The following ITSN2 variants were observed in gnomAD, a reference collection of about 807,000 sequenced individuals.
ITSN2 encodes the protein intersectin-2.
In ITSN2, 156 loss-of-function variants were observed where a neutral mutation model predicts 243.7. That is an observed-to-expected ratio of 0.64 (90% CI 0.56 to 0.73). The LOEUF is 0.73. ITSN2 is among the 30% of genes least tolerant of loss of function. ITSN2 has a pLI of 0.00. For missense variants in ITSN2, 1,801 were observed against 1,996.1 expected (o/e 0.90, Z 1.86); for synonymous variants, 703 against 699.9 (o/e 1.00, Z -0.07).
intron 1 of ITSN2, among the ~76,000 whole-genome samples, chr2:24,359,741 A>G (rs1287996868): frequency 6.6e-6 from 1 of 152,114 alleles, no homozygotes; most frequent in Non-Finnish European, 1.5e-5. Flanking sequence ...TAAATTTAAC[A>G]TTTCCAACTC....
intron 15 of ITSN2, among the ~76,000 whole-genome samples, chr2:24,290,642 G>A (rs1437847209): frequency 6.6e-6 from 1 of 151,842 alleles, no homozygotes. Context: ...ATTTATTTCT[G>A]TACATAGAGA....
At chr2:24,329,052 T>C (rs1398926333) in intron 1 of ITSN2, among the ~76,000 whole-genome samples, 1 of 152,218 alleles carries the variant, frequency 6.6e-6, no homozygotes, top group Non-Finnish European at 1.5e-5. Context: ...TACTCATCTA[T>C]AAAAAATACT....
intron 2 of ITSN2, among the ~76,000 whole-genome samples, 180 bp from the exon 3 acceptor site, chr2:24,315,404 G>T (rs1377156074): frequency 1.3e-5 from 2 of 152,178 alleles, no homozygotes; most frequent in Non-Finnish European, 2.9e-5. Context: ...TCACTCATTG[G>T]CTCAATTAAC....
At position 24,254,392 on chromosome 2, in the gene ITSN2, G is replaced by A; in HGVS notation, c.2928C>T (p.Thr976=). The part of the protein sequence containing the change: ...ALYAAVNKKP[T]SAAYSVGEEY... The stretch of plus-strand genomic sequence containing the variant: ...CTTCTCCAACTGAATAGGCTGCCGA[G>A]GTAGGTTTCTTATTTACAGCTGCAT... The change falls in exon 24 of 40, where the codon ACC becomes ACT. Residue 976 remains threonine, a synonymous_variant. Transcript: ENST00000355123. 1 of 1,612,410 alleles carries A rather than the reference G, an allele frequency of 6.2e-7. No individual in the cohort carries two copies. Among genetic ancestry groups the A allele is most frequent in the Non-Finnish European group, 8.5e-7 (1 of 1,178,808 alleles).
intron 24 of ITSN2, among the ~76,000 whole-genome samples, chr2:24,253,621 A>G (rs1276941228): frequency 1.3e-5 from 2 of 152,262 alleles, no homozygotes; most frequent in East Asian, 3.8e-4. Context: ...CGCTCATTAA[A>G]GAATTTATCA....
intron 17 of ITSN2, among the ~76,000 whole-genome samples, chr2:24,281,239 AGGCT>A (rs1678736227): frequency 6.6e-6 from 1 of 152,220 alleles, no homozygotes; most frequent in African/African-American, 2.4e-5. Context: ...CATGTTGGCC[AGGCT>A]GGTCTCAAAC....
In ITSN2 at chr2:24,310,551, G is replaced by T; in HGVS notation, c.494C>A (p.Ser165Ter). 1 of 1,614,128 alleles carries T rather than the reference G, an allele frequency of 6.2e-7. No homozygotes were observed. Among genetic ancestry groups the T allele is most frequent in the African/African-American group, 1.3e-5 (1 of 75,034 alleles). ...PTPLVPSVST[S>*]SLPNGTASLI... ...ACTGGCGGTTCCATTTGGTAATGAT[G>T]ATGTGCTAACAGAAGGCACTAGGGG... The change falls in exon 6 of 40, where the codon TCA (serine) becomes TAA (stop). Residue 165 changes from serine (S) to a stop codon, truncating the protein, a stop_gained. Coordinates refer to ENST00000355123, the MANE Select transcript of ITSN2 (RefSeq NM_006277.3). LOFTEE classifies it high-confidence loss of function.
chr2:24,294,074 C>A (rs1005369889), intron 14 of ITSN2, among the ~76,000 whole-genome samples: 1 of 152,102 alleles, frequency 6.6e-6, no homozygotes, highest in Non-Finnish European at 1.5e-5. Context: ...AGCAGACCTG[C>A]GCTAGATGGT....
intron 4 of ITSN2, among the ~76,000 whole-genome samples, chr2:24,313,169 G>T (rs866436272): frequency 3.4e-5 from 5 of 147,008 alleles, no homozygotes; most frequent in African/African-American, 1.3e-4. Context: ...CTGCAGCACT[G>T]AATTCCTGGG....
At chr2:24,227,331 C>A (rs1671142850) in intron 29 of ITSN2, among the ~76,000 whole-genome samples, 1 of 148,622 alleles carries the variant, frequency 6.7e-6, no homozygotes, top group African/African-American at 2.5e-5. Flanking sequence ...GAAAAATCCA[C>A]CATAAATTGA....
At chr2:24,333,971 C>A (rs548005729) in intron 1 of ITSN2, among the ~76,000 whole-genome samples, 1 of 152,148 alleles carries the variant, frequency 6.6e-6, no homozygotes, top group African/African-American at 2.4e-5. Flanking sequence ...CTCACTGCAA[C>A]CTCCACTTCC....
chr2:24,334,525 C>T, intron 1 of ITSN2: 1 of 807,122 alleles, frequency 1.2e-6, no homozygotes, highest in Non-Finnish European at 2.1e-6. Context: ...GTGAACATTC[C>T]TAAAACCCGC....
chr2:24,334,727 G>A (rs1197390452), intron 1 of ITSN2: 21 of 1,585,604 alleles, frequency 1.3e-5, no homozygotes, highest in East Asian at 2.2e-5. Context: ...GCTTGAGTGC[G>A]TTGAGCCCAA....
chr2:24,328,671 C>G (rs956691818), intron 1 of ITSN2, among the ~76,000 whole-genome samples: 9 of 152,032 alleles, frequency 5.9e-5, no homozygotes, highest in African/African-American at 2.2e-4. Context: ...CCATGTTGAC[C>G]AGAATGGTCT....
intron 5 of ITSN2, 81 bp downstream of exon 5, chr2:24,312,130 CA>C: frequency 8.5e-7 from 1 of 1,175,790 alleles, no homozygotes; most frequent in Non-Finnish European, 1.2e-6. Flanking sequence ...TTTGTGCTAA[CA>C]AATCCTTTTC....
intron 14 of ITSN2, among the ~76,000 whole-genome samples, chr2:24,294,187 A>T (rs1680645424): frequency 6.6e-6 from 1 of 152,172 alleles, no homozygotes; most frequent in African/African-American, 2.4e-5. Flanking sequence ...GCACTTTGGG[A>T]GGCCAAGGCA....
At chr2:24,260,459 T>C (rs940736490) in intron 22 of ITSN2, among the ~76,000 whole-genome samples, 9 of 135,662 alleles carry the variant, frequency 6.6e-5, no homozygotes, top group Non-Finnish European at 1.1e-4. Context: ...CAAATAACTT[T>C]AAGAAAAAAA....
chr2:24,342,732 T>C (rs1316510708), intron 1 of ITSN2, among the ~76,000 whole-genome samples: 1 of 151,908 alleles, frequency 6.6e-6, no homozygotes, highest in African/African-American at 2.4e-5. Context: ...AGGCAGAGGT[T>C]ACTCTGCAAA....
Position 24,218,485 on chromosome 2 carries a change from G to GT in ITSN2, c.3700-473dup, listed in dbSNP as rs1470716642. The stretch of plus-strand genomic sequence containing the variant: ...CTCTAAGCAGATGTGGGTTTTAGAA[G>GT]TTGGCTGCTGAGGGAGAAATAGTAA... On this transcript the variant is annotated intron_variant, in intron 30 of 39. Coordinates refer to ENST00000355123, the MANE Select transcript of ITSN2 (RefSeq NM_006277.3). Among the ~76,000 whole-genome samples, 6 of 152,214 alleles carry GT rather than the reference G, an allele frequency of 3.9e-5. No homozygotes were observed. The South Asian group carries it at 1.2e-3, about 32-fold the overall frequency.
Sources: allele counts gnomAD v4.1 joint callset (sites outside exome capture counted in the v4.1 genomes callset), GRCh38; gene constraint gnomAD v4.1.1; transcripts MANE v1.5; gene names NCBI Gene and HGNC (gene_info 2026-07-23, HGNC 2026-07-21).